Variants in AKAP4 observed in about 807,000 individuals in gnomAD.
AKAP4 encodes A-kinase anchor protein 4.
AKAP4 carries 4 observed loss-of-function variants against 42.6 expected under a neutral mutation model. The observed-to-expected ratio is 0.09, with a 90% CI of 0.05 to 0.22. The LOEUF (loss-of-function observed/expected upper bound fraction) is 0.22. Among genes scored for constraint, AKAP4 ranks in the 10% least tolerant of loss-of-function variants. The pLI is 1.00. For missense variants in AKAP4, 551 were observed against 630.7 expected (o/e 0.87, Z 1.35); for synonymous variants, 223 against 233.0 (o/e 0.96, Z 0.39).
intron 3 of AKAP4, among the ~76,000 whole-genome samples, chrX:50,197,250 GTT>G (rs1191454097): frequency 6.8e-5 from 7 of 103,427 alleles, no homozygotes; most frequent in African/African-American, 2.4e-4. Context: ...CTTTGGATGG[GTT>G]TTTTTTTTTA....
At chrX:50,196,476 T>A (rs951695649) in intron 4 of AKAP4, among the ~76,000 whole-genome samples, 4 of 111,573 alleles carry the variant, frequency 3.6e-5, no homozygotes, top group Admixed American at 2.8e-4. Flanking sequence ...ACAGCCTAGG[T>A]AATCTCTTAG....
rs782562077 is a variant in AKAP4, at chrX:50,193,655, T to G, written c.1058A>C (p.Lys353Thr). Residue 353 changes from lysine (K) to threonine (T), a missense_variant, in exon 5 of 6, where the codon AAA becomes ACA. By Grantham distance (78) the Lys-to-Thr change is moderately conservative. Transcript: ENST00000358526. ...AATTGGCTTCCCAGAGCTGTGCACT[T>G]TCAAGGTCTTCATGAGAGAGACCAT... ...DMMVSLMKTL[K>T]VHSSGKPIPA... 4.4e-5 allele frequency: 53 copies of G among 1,210,293 alleles called. No individual in the cohort carries two copies. Among genetic ancestry groups the G allele is most frequent in the Non-Finnish European group, 5.6e-5 (50 of 895,335 alleles).
chrX:50,199,298 T>C (rs1233500557), intron 1 of AKAP4, among the ~76,000 whole-genome samples: 1 of 110,963 alleles, frequency 9.0e-6, no homozygotes, highest in Non-Finnish European at 1.9e-5. Context: ...TCAATAGCAG[T>C]AAATAAATAG....
Position 50,192,709 on chromosome X carries a change from G to T in AKAP4, c.2004C>A (p.Asn668Lys). Reference sequence around the variant, plus strand: ...ATTGTTCTTCCGCTTTGTCAGATCTGTTGGACATGGAAGCTGCTTTGCTTG... The same window carrying T: ...ATTGTTCTTCCGCTTTGTCAGATCTTTTGGACATGGAAGCTGCTTTGCTTG... The part of the protein sequence containing the change: ...PRASKAASMS[N>K]RSDKAEEQCQ... The change falls in exon 5 of 6, where the codon AAC (asparagine) becomes AAA (lysine). Residue 668 changes from asparagine (N) to lysine (K), a missense_variant. Coordinates refer to ENST00000358526, the MANE Select transcript of AKAP4 (RefSeq NM_003886.3). The T allele has an allele frequency of 1.7e-6, 2 of 1,211,984 alleles. No individual in the cohort carries two copies. The highest frequency in any genetic ancestry group is 2.2e-6 in the Non-Finnish European group (2 of 895,610).
chrX:50,191,657 TGTGAGA>T (rs1315821071), intron 5 of AKAP4, among the ~76,000 whole-genome samples: 1 of 46,307 alleles, frequency 2.2e-5, no homozygotes, highest in African/African-American at 1.1e-4. Flanking sequence ...TGTGTGTGTG[TGTGAGA>T]GAGAGAAAGA....
At chrX:50,196,844 T>G in intron 4 of AKAP4, 47 bp downstream of exon 4, 24 of 960,636 alleles carry the variant, frequency 2.5e-5, no homozygotes, top group Non-Finnish European at 3.4e-5. Flanking sequence ...GACTCATCAT[T>G]GAGCTCTGAG....
At chrX:50,197,509 C>G in intron 3 of AKAP4, 35 bp downstream of exon 3, 1 of 1,157,918 alleles carries the variant, frequency 8.6e-7, no homozygotes, top group Non-Finnish European at 1.2e-6. Flanking sequence ...TCAGCAGCTT[C>G]CCACCGATTC....
rs782011160 is a variant in AKAP4, at chrX:50,199,723, G to A, written c.28-971C>T. 2.4e-3 allele frequency among the ~76,000 whole-genome samples: 221 copies of A among 93,572 alleles called. 1 individual carries two copies. Among genetic ancestry groups the A allele is most frequent in the African/African-American group, 7.7e-3 (195 of 25,234 alleles). 81.3% of individuals were successfully genotyped at this position (93,572 alleles called of 115,157 possible). ...TTTTGCCAAGTATTAGAGGGCTATT[G>A]AATTCCCCCTCCCACCCTCCCCACT... On this transcript the variant is annotated intron_variant, in intron 1 of 5. Transcript: ENST00000358526.
chrX:50,194,874 T>G (rs193013883), intron 4 of AKAP4, among the ~76,000 whole-genome samples: 19 of 111,817 alleles, frequency 1.7e-4, no homozygotes, highest in Non-Finnish European at 3.0e-4. Flanking sequence ...AATAATGTGT[T>G]GACATCATTA....
At chrX:50,198,509 G>A (rs1437534867) in intron 2 of AKAP4, 148 bp downstream of exon 2, 1 of 422,409 alleles carries the variant, frequency 2.4e-6, no homozygotes, top group East Asian at 4.0e-5. Context: ...TGATGTATGA[G>A]CATGCTGGCC....
At chrX:50,195,902 C>T (rs1935185060) in intron 4 of AKAP4, among the ~76,000 whole-genome samples, 1 of 110,917 alleles carries the variant, frequency 9.0e-6, no homozygotes, top group Non-Finnish European at 1.9e-5. Context: ...ACACTAACTA[C>T]CAAGCCCTCT....
intron 5 of AKAP4, 75 bp from the exon 6 acceptor site, chrX:50,191,190 A>T: frequency 8.9e-7 from 1 of 1,125,693 alleles, no homozygotes; most frequent in Non-Finnish European, 1.2e-6. Context: ...AAGTTCTACC[A>T]CCCAACCCCC....
rs782291865 is a variant in AKAP4, at chrX:50,192,488, A to G, written c.2225T>C (p.Ile742Thr). ...GTTCTGTGGCATTGCACCACTGTGA[A>G]TGCATCTGGTGCCCCTGAAATTGGG... ...NKPNFRGTRCIHSGAMPQNYQ... is the reference protein window; with the variant it reads ...NKPNFRGTRCTHSGAMPQNYQ... Residue 742 changes from isoleucine to threonine, a missense_variant, in exon 5 of 6, where the codon ATT (isoleucine) becomes ACT (threonine). Ile to Thr is a moderately conservative substitution (Grantham distance 89). Coordinates refer to ENST00000358526, the MANE Select transcript of AKAP4 (RefSeq NM_003886.3). The G allele has an allele frequency of 3.1e-5, 38 of 1,209,332 alleles. No homozygotes were observed. The East Asian group carries it at 1.1e-3, about 34-fold the overall frequency.
intron 5 of AKAP4, 143 bp from the exon 6 acceptor site, chrX:50,191,258 AG>A: frequency 1.6e-6 from 1 of 608,458 alleles, no homozygotes; most frequent in Non-Finnish European, 2.5e-6. Context: ...TTCTAGGATT[AG>A]GGTACAGCAT....
chrX:50,197,413 T>G (rs1461733778), intron 3 of AKAP4, 131 bp downstream of exon 3: 5 of 527,106 alleles, frequency 9.5e-6, no homozygotes, highest in Non-Finnish European at 1.2e-5. Flanking sequence ...CTCATGAGAA[T>G]GCTGGCTTTC....
chrX:50,192,265 C>T, intron 5 of AKAP4, 39 bp downstream of exon 5: 3 of 1,098,802 alleles, frequency 2.7e-6, no homozygotes, highest in Non-Finnish European at 3.6e-6. Flanking sequence ...TGCCTCTGCC[C>T]ATTCCAACTT....
chrX:50,198,842 G>T, intron 1 of AKAP4, 90 bp from the exon 2 acceptor site: 2 of 681,706 alleles, frequency 2.9e-6, no homozygotes, highest in African/African-American at 2.1e-5. Flanking sequence ...GAGGGGTTCT[G>T]AAATCCATTT....
intron 3 of AKAP4, among the ~76,000 whole-genome samples, chrX:50,197,278 A>G (rs1935203098): frequency 9.0e-6 from 1 of 110,628 alleles, no homozygotes; most frequent in Non-Finnish European, 1.9e-5. Context: ...AAAAATAAAA[A>G]ACAACTTTTC....
At chrX:50,194,709 G>A (rs1038934251) in intron 4 of AKAP4, among the ~76,000 whole-genome samples, 1 of 110,693 alleles carries the variant, frequency 9.0e-6, no homozygotes, top group Non-Finnish European at 1.9e-5. Flanking sequence ...AAATGTGTCA[G>A]TGTGTCTGTT....
Sources: allele counts gnomAD v4.1 joint callset (sites outside exome capture counted in the v4.1 genomes callset), GRCh38; gene constraint gnomAD v4.1.1; transcripts MANE v1.5; gene names NCBI Gene and HGNC (gene_info 2026-07-23, HGNC 2026-07-21).